The following SPPL3 variants were observed in gnomAD, a reference collection of about 807,000 sequenced individuals.
SPPL3 encodes signal peptide peptidase like 3, also known as signal peptide peptidase-like 3.
Under a neutral mutation model 42.4 loss-of-function variants are expected in SPPL3, and 5 were observed. That is an observed-to-expected ratio of 0.12 (90% CI 0.06 to 0.25). The LOEUF is 0.25. Ranked by LOEUF, SPPL3 falls within the 10% of genes least tolerant of loss-of-function variation. The pLI is 1.00. For synonymous variants in SPPL3, 195 were observed against 181.8 expected (o/e 1.07, Z -0.58); for missense variants, 235 against 489.0 (o/e 0.48, Z 4.90).
chr12:120,892,592 G>C (rs1873674733), intron 1 of SPPL3, among the ~76,000 whole-genome samples: 1 of 152,180 alleles, frequency 6.6e-6, no homozygotes, highest in African/African-American at 2.4e-5. Context: ...TAGGGAAGCA[G>C]GGTTATAAGA....
At chr12:120,774,683 G>A (rs1340537274) in intron 6 of SPPL3, among the ~76,000 whole-genome samples, 4 of 151,962 alleles carry the variant, frequency 2.6e-5, no homozygotes, top group Non-Finnish European at 5.9e-5. Context: ...AAGCAATGTC[G>A]TATTCCCAGA....
chr12:120,900,644 C>G (rs998640880), intron 1 of SPPL3, among the ~76,000 whole-genome samples: 1 of 150,962 alleles, frequency 6.6e-6, no homozygotes, highest in Admixed American at 6.6e-5. Flanking sequence ...TGGTGGCTCA[C>G]GCCTGTAATC....
intron 1 of SPPL3, among the ~76,000 whole-genome samples, chr12:120,828,066 G>A (rs1871283507): frequency 6.6e-6 from 1 of 152,170 alleles, no homozygotes; most frequent in Admixed American, 6.5e-5. Context: ...GGGATTACAG[G>A]CATGAGCCAC....
At chr12:120,902,345 T>C (rs1211638987) in intron 1 of SPPL3, among the ~76,000 whole-genome samples, 5 of 152,244 alleles carry the variant, frequency 3.3e-5, no homozygotes, top group African/African-American at 1.2e-4. Context: ...AATGAGTTAC[T>C]GACTTATAAC....
chr12:120,814,061 C>G lies in SPPL3; in HGVS notation c.24-3175G>C, dbSNP rs148520842. Among the ~76,000 whole-genome samples the G allele has an allele frequency of 4.3e-3, 649 of 152,012 alleles. 4 individuals carry two copies. The highest frequency in any genetic ancestry group is 0.014 in the African/African-American group (587 of 41,462). The stretch of plus-strand genomic sequence containing the variant: ...GATTTAAGATTTACTTTAAAATACT[C>G]TAAGAAAATAAAACATGGGAGGGAT... On this transcript the variant is annotated intron_variant, in intron 1 of 10. Coordinates refer to ENST00000353487, the MANE Select transcript of SPPL3 (RefSeq NM_139015.5).
At chr12:120,846,364 C>G (rs1308822116) in intron 1 of SPPL3, among the ~76,000 whole-genome samples, 1 of 152,162 alleles carries the variant, frequency 6.6e-6, no homozygotes. Flanking sequence ...GCAATTTTAT[C>G]AAAGATATAT....
intron 9 of SPPL3, among the ~76,000 whole-genome samples, chr12:120,766,734 G>C (rs979105194): frequency 6.6e-6 from 1 of 152,168 alleles, no homozygotes; most frequent in African/African-American, 2.4e-5. Context: ...ATGTAGTTCA[G>C]ACCTTCCACC....
At chr12:120,810,497 T>G (rs1278291500) in intron 2 of SPPL3, among the ~76,000 whole-genome samples, 1 of 152,178 alleles carries the variant, frequency 6.6e-6, no homozygotes, top group Non-Finnish European at 1.5e-5. Context: ...CCTTTGAGAC[T>G]CTAGAATCAT....
At chr12:120,835,529 C>T (rs1336044024) in intron 1 of SPPL3, 1 of 152,216 alleles carries the variant, frequency 6.6e-6, no homozygotes, top group Non-Finnish European at 1.5e-5. Context: ...ACGAAGGAAG[C>T]TTAACATTTT....
intron 1 of SPPL3, among the ~76,000 whole-genome samples, chr12:120,875,334 T>A (rs1873052442): frequency 6.6e-6 from 1 of 152,166 alleles, no homozygotes; most frequent in African/African-American, 2.4e-5. Flanking sequence ...ATAACATTAT[T>A]TCAACATAGA....
intron 1 of SPPL3, among the ~76,000 whole-genome samples, chr12:120,825,858 G>A (rs1871216165): frequency 6.6e-6 from 1 of 152,198 alleles, no homozygotes; most frequent in Admixed American, 6.5e-5. Flanking sequence ...AGCATGAGGT[G>A]ATCAAGTCTA....
chr12:120,821,781 T>C (rs901229364), intron 1 of SPPL3, among the ~76,000 whole-genome samples: 1 of 152,152 alleles, frequency 6.6e-6, no homozygotes, highest in Non-Finnish European at 1.5e-5. Context: ...TCAAACATAC[T>C]TGTACACCAA....
intron 2 of SPPL3, among the ~76,000 whole-genome samples, chr12:120,805,540 GTCTT>G (rs1449095330): frequency 6.6e-6 from 1 of 152,188 alleles, no homozygotes; most frequent in African/African-American, 2.4e-5. Context: ...AAAAGACAAA[GTCTT>G]TCAGAATTGA....
chr12:120,895,659 C>G (rs989753733), intron 1 of SPPL3, among the ~76,000 whole-genome samples: 2 of 152,216 alleles, frequency 1.3e-5, no homozygotes, highest in African/African-American at 2.4e-5. Flanking sequence ...ACCTATCTGG[C>G]TCTAACAAAT....
chr12:120,841,577 A>C (rs927618050), intron 1 of SPPL3, among the ~76,000 whole-genome samples: 1 of 152,212 alleles, frequency 6.6e-6, no homozygotes, highest in African/African-American at 2.4e-5. Flanking sequence ...TGGAAAGAGA[A>C]ATTGCCTCAG....
At chr12:120,886,380 T>C (rs920902788) in intron 1 of SPPL3, among the ~76,000 whole-genome samples, 5 of 152,298 alleles carry the variant, frequency 3.3e-5, no homozygotes, top group East Asian at 3.9e-4. Context: ...AAGTCATTCA[T>C]TAAACACAGA....
chr12:120,890,701 A>C (rs188805317), intron 1 of SPPL3, among the ~76,000 whole-genome samples: 12 of 152,196 alleles, frequency 7.9e-5, no homozygotes, highest in East Asian at 7.7e-4. Context: ...TCAAAACTTT[A>C]AGGGAAAAAA....
In SPPL3 at chr12:120,799,504, T is replaced by C. The variant is rs533766550; in HGVS notation, c.102-7947A>G. Among the ~76,000 whole-genome samples the C allele has an allele frequency of 3.9e-5, 6 of 152,240 alleles. No homozygotes were observed. In the South Asian group the frequency reaches 1.2e-3, roughly 32 times the overall value. ...ACCAGTTTTAGCTGGTCCATTTTCT[T>C]AGCATCTAACTGACAAGAACTGCAG... On this transcript the variant is annotated intron_variant, in intron 2 of 10. Coordinates refer to ENST00000353487, the MANE Select transcript of SPPL3 (RefSeq NM_139015.5).
At chr12:120,795,198 C>T (rs1193969583) in intron 2 of SPPL3, among the ~76,000 whole-genome samples, 2 of 152,206 alleles carry the variant, frequency 1.3e-5, no homozygotes, top group Non-Finnish European at 1.5e-5. Flanking sequence ...CCTTCTGCTT[C>T]AACCTGCCAA....
Sources: gnomAD v4.1 joint callset for allele counts (sites outside exome capture counted in the v4.1 genomes callset) on GRCh38, gnomAD v4.1.1 for gene constraint, MANE v1.5 for transcripts, NCBI Gene and HGNC (gene_info 2026-07-23, HGNC 2026-07-21) for gene names.